MAGI1: variants seen among roughly 807,000 people sequenced by gnomAD.
MAGI1 encodes membrane associated guanylate kinase, WW and PDZ domain containing 1, also known as membrane-associated guanylate kinase, WW and PDZ domain-containing protein 1.
MAGI1 carries 58 observed loss-of-function variants against 139.9 expected under a neutral mutation model. That is an observed-to-expected ratio of 0.41 (90% CI 0.34 to 0.52). MAGI1 has a LOEUF of 0.52. Among genes scored for constraint, MAGI1 ranks in the 20% least tolerant of loss-of-function variants. The probability of loss-of-function intolerance (pLI) is 0.12; values close to 1 mark genes in which losing one functional copy is unlikely to be tolerated. For synonymous variants in MAGI1, 812 were observed against 737.9 expected (o/e 1.10, Z -1.63); for missense variants, 1,874 against 1,901.6 (o/e 0.99, Z 0.27).
chr3:65,469,627 A>G (rs1950427579), intron 5 of MAGI1: 1 of 151,980 alleles, frequency 6.6e-6, no homozygotes, highest in African/African-American at 2.4e-5. Context: ...TAAACACAAA[A>G]TGTAAAAAAT....
At position 65,627,380 on chromosome 3, in the gene MAGI1, C is replaced by T. The variant is rs532634148; in HGVS notation, c.314-5292G>A. Among the ~76,000 whole-genome samples, 19 of 150,948 alleles carry T rather than the reference C, an allele frequency of 1.3e-4. No homozygotes were observed. The East Asian group carries it at 3.3e-3, about 26-fold the overall frequency. On this transcript the variant is annotated intron_variant, in intron 1 of 22. Coordinates refer to ENST00000402939, the MANE Select transcript of MAGI1 (RefSeq NM_001033057.2). Reference sequence around the variant, plus strand: ...ACCATGACTATATATAGAACTTTTTCCAAGAAAGGGGTTCAGAGTTTATTC... The same window carrying T: ...ACCATGACTATATATAGAACTTTTTTCAAGAAAGGGGTTCAGAGTTTATTC...
chr3:65,436,751 G>A (rs1396572037), intron 10 of MAGI1, among the ~76,000 whole-genome samples: 1 of 151,930 alleles, frequency 6.6e-6, no homozygotes. Flanking sequence ...ATCTGGCAAT[G>A]TCTGGGGACA....
chr3:65,719,892 A>C (rs1320257302), intron 1 of MAGI1: 4 of 152,184 alleles, frequency 2.6e-5, no homozygotes, highest in Non-Finnish European at 4.4e-5. Context: ...AGCAGTGTCA[A>C]ACTTAAAAAT....
chr3:65,387,808 T>A (rs1943575465), intron 14 of MAGI1, among the ~76,000 whole-genome samples: 1 of 152,222 alleles, frequency 6.6e-6, no homozygotes, highest in Admixed American at 6.5e-5. Context: ...CTTCTTAAGC[T>A]CACTATGATA....
intron 1 of MAGI1, among the ~76,000 whole-genome samples, chr3:65,701,968 C>T (rs1161839440): frequency 6.6e-6 from 1 of 152,174 alleles, no homozygotes; most frequent in African/African-American, 2.4e-5. Flanking sequence ...ACAATGCCTG[C>T]ATATATTCCC....
At position 65,357,130 on chromosome 3, in the gene MAGI1, G is replaced by A. The variant is rs1940248101; in HGVS notation, c.3637C>T (p.Pro1213Ser). 9 of 1,604,366 alleles carry A rather than the reference G, an allele frequency of 5.6e-6. No individual in the cohort carries two copies. The highest frequency in any genetic ancestry group is 2.7e-5 in the African/African-American group (2 of 74,706). ...GCGGGGCCGTGGCGGTCGCTGCTGG[G>A]GTCTGCCAGGAAAATAAACGAGAGC... ...RGDGSVPEYD[P>S]SSDRHGPATG... Residue 1213 changes from proline (P) to serine (S), a missense_variant and splice_region_variant, in exon 23 of 23, where the codon CCC becomes TCC. This residue lies in a region of MAGI1 where 653 missense variants were observed against 644.5 expected (regional missense o/e 1.01). Coordinates refer to ENST00000402939, the MANE Select transcript of MAGI1 (RefSeq NM_001033057.2).
intron 1 of MAGI1, among the ~76,000 whole-genome samples, chr3:66,036,173 A>T (rs1180415533): frequency 6.6e-6 from 1 of 152,212 alleles, no homozygotes; most frequent in Non-Finnish European, 1.5e-5. Flanking sequence ...ACTAAAAACT[A>T]GTTTCAGAAA....
At chr3:65,465,924 C>T (rs1329123921) in intron 5 of MAGI1, among the ~76,000 whole-genome samples, 1 of 152,032 alleles carries the variant, frequency 6.6e-6, no homozygotes, top group East Asian at 1.9e-4. Flanking sequence ...GTTTTCTTCC[C>T]CCAGTTGATT....
chr3:65,481,967 G>A (rs1951320430), intron 3 of MAGI1, among the ~76,000 whole-genome samples: 1 of 152,200 alleles, frequency 6.6e-6, no homozygotes, highest in African/African-American at 2.4e-5. Flanking sequence ...GTTTAACATT[G>A]AATGGAGGCA....
chr3:65,574,493 T>C (rs2081094250), intron 2 of MAGI1, among the ~76,000 whole-genome samples: 3 of 150,832 alleles, frequency 2.0e-5, no homozygotes, highest in Non-Finnish European at 4.4e-5. Context: ...AAATCTACCC[T>C]ATTCATGGGC....
intron 1 of MAGI1, among the ~76,000 whole-genome samples, chr3:65,750,805 T>C (rs994942477): frequency 6.6e-6 from 1 of 152,216 alleles, no homozygotes; most frequent in African/African-American, 2.4e-5. Context: ...CAAGTAGACC[T>C]TGTAGGAAGG....
At chr3:65,815,931 T>C (rs17295791) in intron 1 of MAGI1, among the ~76,000 whole-genome samples, 14,213 of 152,150 alleles carry the variant, frequency 0.093, 822 homozygotes, top group Admixed American at 0.18. Context: ...CCACTGCCTC[T>C]CTCTAAGCAG....
chr3:65,652,444 C>T (rs931554978), intron 1 of MAGI1, among the ~76,000 whole-genome samples: 7 of 152,080 alleles, frequency 4.6e-5, no homozygotes, highest in Non-Finnish European at 8.8e-5. Context: ...GATATGTTAG[C>T]GGCACCCCTG....
intron 1 of MAGI1, among the ~76,000 whole-genome samples, chr3:65,829,369 A>G (rs2042402866): frequency 6.6e-6 from 1 of 152,168 alleles, no homozygotes; most frequent in African/African-American, 2.4e-5. Flanking sequence ...GATAGTATCA[A>G]GAAGTGGGGC....
intron 4 of MAGI1, among the ~76,000 whole-genome samples, chr3:65,478,247 G>C (rs1295372865): frequency 6.6e-6 from 1 of 151,722 alleles, no homozygotes; most frequent in Non-Finnish European, 1.5e-5. Flanking sequence ...GATGCTGCAA[G>C]TTACCCCCCC....
intron 2 of MAGI1, among the ~76,000 whole-genome samples, chr3:65,520,057 C>A (rs1375429861): frequency 4.6e-5 from 7 of 152,192 alleles, no homozygotes; most frequent in Admixed American, 4.6e-4. Flanking sequence ...CAGCCAACAA[C>A]CAGCACAGCT....
At chr3:65,772,461 C>T (rs1267819116) in intron 1 of MAGI1, among the ~76,000 whole-genome samples, 1 of 152,148 alleles carries the variant, frequency 6.6e-6, no homozygotes, top group Non-Finnish European at 1.5e-5. Flanking sequence ...TGGCCAATCA[C>T]CACCAATGTA....
At chr3:65,869,082 T>C (rs1258060686) in intron 1 of MAGI1, among the ~76,000 whole-genome samples, 18 of 151,586 alleles carry the variant, frequency 1.2e-4, no homozygotes, top group Admixed American at 7.9e-4. Context: ...GGCGAAACCC[T>C]GTCTCTACTA....
intron 2 of MAGI1, among the ~76,000 whole-genome samples, chr3:65,534,243 A>G (rs1234717953): frequency 6.6e-6 from 1 of 152,180 alleles, no homozygotes; most frequent in Non-Finnish European, 1.5e-5. Flanking sequence ...GCACTTTAGG[A>G]GGCCAAGGTG....
Sources: allele counts gnomAD v4.1 joint callset (sites outside exome capture counted in the v4.1 genomes callset), GRCh38; gene constraint gnomAD v4.1.1; regional missense constraint gnomAD v4.1.1; transcripts MANE v1.5; gene names NCBI Gene and HGNC (gene_info 2026-07-23, HGNC 2026-07-21).